FYB2: variants seen among roughly 807,000 people sequenced by gnomAD.
The protein encoded by FYB2 is FYN-binding protein 2.
Under a neutral mutation model 94.1 loss-of-function variants are expected in FYB2, and 103 were observed. The ratio of observed to expected loss-of-function variants is 1.09; its 90% CI spans 0.93 to 1.29. The LOEUF (loss-of-function observed/expected upper bound fraction) is 1.29, where lower values mean the gene tolerates loss of function less well. Ranked by LOEUF, FYB2 falls within the 50% of genes most tolerant of loss-of-function variation. The pLI is 0.00. For missense variants in FYB2, 896 were observed against 841.5 expected, an observed-to-expected ratio of 1.06 and a Z score of -0.80; for synonymous variants, 293 against 287.9, an observed-to-expected ratio of 1.02 and a Z score of -0.18.
intron 4 of FYB2, among the ~76,000 whole-genome samples, chr1:56,782,579 G>A (rs1646033495): frequency 6.6e-6 from 1 of 151,872 alleles, no homozygotes; most frequent in African/African-American, 2.4e-5. Flanking sequence ...ACAAATATGT[G>A]TTTCCAAGTA....
At chr1:56,755,307 TTGTGCAAACATAC>T (rs942848398) in intron 7 of FYB2, among the ~76,000 whole-genome samples, 5 of 152,044 alleles carry the variant, frequency 3.3e-5, no homozygotes, top group East Asian at 3.9e-4. Context: ...ACAGTGGCAT[TTGTGCAAACATAC>T]TGTGCAAACA....
intron 2 of FYB2, 125 bp downstream of exon 2, chr1:56,791,931 C>G: frequency 7.5e-7 from 1 of 1,337,084 alleles, no homozygotes; most frequent in Non-Finnish European, 9.9e-7. Context: ...TAGAATATCA[C>G]GTGGAGAGTC....
At chr1:56,739,143 G>A (rs1384677249) in intron 13 of FYB2, among the ~76,000 whole-genome samples, 2 of 152,034 alleles carry the variant, frequency 1.3e-5, no homozygotes, top group Non-Finnish European at 1.5e-5. Flanking sequence ...TTACTTGCCA[G>A]GGTAAGGAAC....
intron 18 of FYB2, 56 bp from the exon 19 acceptor site, chr1:56,720,111 A>T: frequency 6.3e-7 from 1 of 1,586,606 alleles, no homozygotes; most frequent in Non-Finnish European, 8.6e-7. Context: ...ATGTTTTTTT[A>T]AAGCATTTTA....
At chr1:56,753,958 GA>G (rs11404547) in intron 7 of FYB2, 23 bp from the exon 8 acceptor site, 1 of 1,417,598 alleles carries the variant, frequency 7.1e-7, no homozygotes. Flanking sequence ...GAGATACCAG[GA>G]AAAAAATGAA....
intron 5 of FYB2, chr1:56,761,882 T>C (rs1165449750): frequency 6.6e-6 from 1 of 152,180 alleles, no homozygotes; most frequent in Non-Finnish European, 1.5e-5. Context: ...AGAGGAAACA[T>C]TCATTTTAAG....
intron 4 of FYB2, among the ~76,000 whole-genome samples, chr1:56,778,505 GA>G (rs1645934709): frequency 6.6e-6 from 1 of 152,070 alleles, no homozygotes; most frequent in Non-Finnish European, 1.5e-5. Flanking sequence ...GGAACTCTTT[GA>G]CAGGTAGATG....
chr1:56,825,324 G>A, the FYB2 span, among the ~76,000 whole-genome samples: 1 of 152,114 alleles, frequency 6.6e-6, no homozygotes, highest in Non-Finnish European at 1.5e-5. Flanking sequence ...GAGGGAGTTG[G>A]GAGGTCTAGA....
intron 1 of FYB2, among the ~76,000 whole-genome samples, chr1:56,798,697 T>C (rs528120944): frequency 2.0e-5 from 3 of 152,284 alleles, no homozygotes; most frequent in African/African-American, 4.8e-5. Flanking sequence ...TATTACCATA[T>C]ACCAGGCACT....
intron 1 of FYB2, among the ~76,000 whole-genome samples, chr1:56,818,123 C>G (rs1281793171): frequency 6.6e-6 from 1 of 152,074 alleles, no homozygotes; most frequent in Non-Finnish European, 1.5e-5. Context: ...ATCTATTCAG[C>G]CTGGCACTTT....
chr1:56,719,808 G>T, intron 19 of FYB2, 116 bp from the exon 20 acceptor site: 1 of 1,137,068 alleles, frequency 8.8e-7, no homozygotes, highest in Non-Finnish European at 1.2e-6. Context: ...CTTTTAAAAT[G>T]TTTATAAAGC....
rs139057414 is a variant in FYB2, at chr1:56,770,194, A to G, written c.954-2256T>C. Among the ~76,000 whole-genome samples the G allele has an allele frequency of 7.4e-3, 1,134 of 152,270 alleles. 5 individuals are homozygous for G. The highest frequency in any genetic ancestry group is 0.011 in the Non-Finnish European group (779 of 67,996). Reference sequence around the variant, plus strand: ...AAATTTAGAGAAAATTGGCAACTTTATGGGGAAGTAGAAAATTACCATACC... The same window carrying G: ...AAATTTAGAGAAAATTGGCAACTTTGTGGGGAAGTAGAAAATTACCATACC... On this transcript the variant is annotated intron_variant, in intron 4 of 19. Coordinates refer to ENST00000343433, the MANE Select transcript of FYB2 (RefSeq NM_001004303.5).
At chr1:56,784,832 A>G (rs1646096780) in intron 4 of FYB2, among the ~76,000 whole-genome samples, 5 of 152,120 alleles carry the variant, frequency 3.3e-5, no homozygotes, top group Admixed American at 3.3e-4. Flanking sequence ...TGTTTATATC[A>G]GGGAACAATA....
intron 9 of FYB2, among the ~76,000 whole-genome samples, chr1:56,750,753 G>A (rs1645177780): frequency 1.3e-5 from 2 of 151,942 alleles, no homozygotes; most frequent in Admixed American, 6.6e-5. Flanking sequence ...AAAGCCCTGT[G>A]AGGTCCATAT....
chr1:56,750,082 G>GA (rs1213135251), intron 9 of FYB2, among the ~76,000 whole-genome samples: 3 of 151,720 alleles, frequency 2.0e-5, no homozygotes, highest in Non-Finnish European at 4.4e-5. Context: ...CAGAGATACA[G>GA]AAAAAAAATA....
chr1:56,787,894 C>T (rs1421235766), intron 3 of FYB2, among the ~76,000 whole-genome samples: 2 of 152,204 alleles, frequency 1.3e-5, no homozygotes, highest in Non-Finnish European at 2.9e-5. Flanking sequence ...TCACACTTAT[C>T]CTTCTTTGAT....
At chr1:56,786,567 C>T (rs990316761) in intron 4 of FYB2, among the ~76,000 whole-genome samples, 1 of 152,220 alleles carries the variant, frequency 6.6e-6, no homozygotes. Context: ...GTAGTTATGG[C>T]ACATCTGGGT....
At chr1:56,741,620 C>T (rs567519692) in intron 12 of FYB2, among the ~76,000 whole-genome samples, 2 of 151,998 alleles carry the variant, frequency 1.3e-5, no homozygotes, top group South Asian at 2.1e-4. Context: ...TGACCATTGC[C>T]GTTTTCTTTT....
rs377132136 is a variant in FYB2, at chr1:56,739,349, G to A, written c.1704-696C>T. 2.6e-5 allele frequency among the ~76,000 whole-genome samples: 4 copies of A among 151,906 alleles called. 1 individual carries two copies. The highest frequency in any genetic ancestry group is 1.3e-4 in the Admixed American group (2 of 15,238). On this transcript the variant is annotated intron_variant, in intron 13 of 19. Transcript: ENST00000343433. ...GGTCTGCCTTTGTGCATAGGGTCTC[G>A]CTGACCACACTCCCTCTTCTTCCAT...
Sources: allele counts gnomAD v4.1 joint callset (sites outside exome capture counted in the v4.1 genomes callset), GRCh38; gene constraint gnomAD v4.1.1; transcripts MANE v1.5; gene names NCBI Gene and HGNC (gene_info 2026-07-23, HGNC 2026-07-21).